Variants in CCDC17 observed in about 807,000 individuals in gnomAD.
CCDC17 encodes coiled-coil domain containing 17.
CCDC17 carries 79 observed loss-of-function variants against 68.0 expected under a neutral mutation model. That is an observed-to-expected ratio of 1.16 (90% confidence interval 0.97 to 1.40). The LOEUF is 1.40. CCDC17 is among the 40% of genes most tolerant of loss of function. The pLI is 0.00. For synonymous variants in CCDC17, 376 were observed against 337.5 expected, an observed-to-expected ratio of 1.11 and a Z score of -1.25; for missense variants, 846 against 811.5, an observed-to-expected ratio of 1.04 and a Z score of -0.52.
chr1:45,623,425 C>T lies in CCDC17; in HGVS notation c.285G>A (p.Arg95=). 6.4e-7 allele frequency: 1 copy of T among 1,550,548 alleles called. No homozygotes were observed. The highest frequency in any genetic ancestry group is 1.2e-5 in the South Asian group (1 of 84,066). ...AGGGCCGCATTTCCTGTAGGGATAG[C>T]CGCAGCCACTGCACCTGGAGGTAAC... is the stretch of plus-strand genomic sequence containing the variant. ...KRLTEEVQWL[R]LSLQEMRPWI... The change falls in exon 3 of 13, where the codon CGG becomes CGA. Residue 95 remains arginine, a synonymous_variant. Transcript: ENST00000528266.
rs1435124555 is a variant in CCDC17, at chr1:45,621,500, C to CTT, written c.1185-18_1185-17dup. ...CAGGCCAGCCCTGGGGAACACAAGT[C>CTT]TTAGCACAGAAATACCCAACTCCTT... On this transcript the variant is annotated splice_polypyrimidine_tract_variant and intron_variant, in intron 9 of 12. Transcript: ENST00000528266. 1.9e-5 allele frequency: 30 copies of CTT among 1,577,384 alleles called. No individual in the cohort carries two copies. Among genetic ancestry groups the CTT allele is most frequent in the Non-Finnish European group, 2.4e-5 (28 of 1,161,932 alleles).
rs1557680131 is a variant in CCDC17, at chr1:45,622,853, C to T, written c.657-19G>A. 6.3e-7 allele frequency: 1 copy of T among 1,583,846 alleles called. No homozygotes were observed. Among genetic ancestry groups the T allele is most frequent in the Admixed American group, 1.8e-5 (1 of 55,746 alleles). On this transcript the variant is annotated intron_variant, in intron 4 of 12. Transcript: ENST00000528266. Reference sequence around the variant, plus strand: ...CGGGTTCCTGGGGTGGCAGGCGACGCGCAGGGAGACGGTAACGCATCAGAG... The same window carrying T: ...CGGGTTCCTGGGGTGGCAGGCGACGTGCAGGGAGACGGTAACGCATCAGAG...
Position 45,623,057 on chromosome 1 carries a change from C to T in CCDC17, c.554G>A (p.Gly185Asp), listed in dbSNP as rs760875732. 1 of 1,610,298 alleles carries T rather than the reference C, an allele frequency of 6.2e-7. No homozygotes were observed. The highest frequency in any genetic ancestry group is 1.1e-5 in the South Asian group (1 of 90,328). Residue 185 changes from glycine (G) to aspartate (D), a missense_variant, in exon 4 of 13, where the codon GGC becomes GAC. Transcript: ENST00000528266. ...CTRGGMSRLF[G>D]LEQEIRELQA... The stretch of plus-strand genomic sequence containing the variant: ...TAGTTCTCGAATCTCCTGCTCCAGG[C>T]CGAAGAGGCGGGACATCCCGCCCCG...
rs1411414149 is a variant in CCDC17, at chr1:45,621,359, G to A, written c.1310C>T (p.Ala437Val). 1.3e-6 allele frequency: 2 copies of A among 1,590,542 alleles called. No homozygotes were observed. Among genetic ancestry groups the A allele is most frequent in the African/African-American group, 1.3e-5 (1 of 74,524 alleles). The part of the protein sequence containing the change: ...DTGRTTALPP[A>V]LCLPPPPAPG... ...AGCAGGAGGTGGGGGCAGGCAAAGG[G>A]CTGGGGGCAACGCTGTGGTCCTTCC... Residue 437 changes from alanine to valine, a missense_variant, in exon 10 of 13, where the codon GCC becomes GTC. By Grantham distance (64) the Ala-to-Val change is moderately conservative. Coordinates refer to ENST00000528266, the MANE Select transcript of CCDC17 (RefSeq NM_001114938.3).
chr1:45,623,562 C>T lies in CCDC17; in HGVS notation c.265G>A (p.Glu89Lys). The T allele has an allele frequency of 6.5e-7, 1 of 1,549,246 alleles. No homozygotes were observed. The highest frequency in any genetic ancestry group is 8.7e-7 in the Non-Finnish European group (1 of 1,146,826). The change falls in exon 2 of 13, where the codon GAG (glutamate) becomes AAG (lysine). Residue 89 changes from glutamate to lysine, a missense_variant. Coordinates refer to ENST00000528266, the MANE Select transcript of CCDC17 (RefSeq NM_001114938.3). ...ASRSALKRLT[E>K]EVQWLRLSLQ... Reference sequence around the variant, plus strand: ...GGGAAGGTAGGTAGCTCTACCTCCTCTGTTAACCTCTTTAGAGCAGATCTA... The same window carrying T: ...GGGAAGGTAGGTAGCTCTACCTCCTTTGTTAACCTCTTTAGAGCAGATCTA...
chr1:45,623,287 C>T lies in CCDC17; in HGVS notation c.423G>A (p.Leu141=). 6.5e-7 allele frequency: 1 copy of T among 1,548,540 alleles called. No homozygotes were observed. Among genetic ancestry groups the T allele is most frequent in the Non-Finnish European group, 8.7e-7 (1 of 1,146,786 alleles). ...VGSPSERLRA[L]FRTRARRVAE... ...CCACGCGCCTCGCGCGAGTCCTGAA[C>T]AGCGCCCGCAGCCGCTCGCTGGGGC... Residue 141 remains leucine, a synonymous_variant, in exon 3 of 13, where the codon CTG becomes CTA. Coordinates refer to ENST00000528266, the MANE Select transcript of CCDC17 (RefSeq NM_001114938.3).
Position 45,623,080 on chromosome 1 carries a change from C to G in CCDC17, c.531G>C (p.Arg177=). 2 of 1,598,710 alleles carry G rather than the reference C, an allele frequency of 1.3e-6. No individual in the cohort carries two copies. The highest frequency in any genetic ancestry group is 2.3e-5 in the South Asian group (2 of 88,606). The stretch of plus-strand genomic sequence containing the variant: ...GGCCGAAGAGGCGGGACATCCCGCC[C>G]CGCGTACAGGCCACAACTTGGAGGC... The part of the protein sequence containing the change: ...SRRLQVVACT[R]GGMSRLFGLE... Residue 177 remains arginine (R), a synonymous_variant, in exon 4 of 13, where the codon CGG becomes CGC. Coordinates refer to ENST00000528266, the MANE Select transcript of CCDC17 (RefSeq NM_001114938.3).
rs759019129 is a variant in CCDC17 at position 45,621,144 on chromosome 1, G to A, written c.1389-31C>T. 40 of 1,604,672 alleles carry A rather than the reference G, an allele frequency of 2.5e-5. 1 individual carries two copies. The South Asian group carries it at 4.3e-4, about 17-fold the overall frequency. On this transcript the variant is annotated intron_variant, in intron 10 of 12. Coordinates refer to ENST00000528266, the MANE Select transcript of CCDC17 (RefSeq NM_001114938.3). ...GAATAACCAAAAAGCAGTGTCGGAA[G>A]CCAGAGCTACAGTCCCTTTCTAGGA...
In CCDC17 at chr1:45,622,359, C is replaced by A; in HGVS notation, c.860-11G>T. The A allele has an allele frequency of 4.4e-6, 7 of 1,600,182 alleles. No individual in the cohort carries two copies. Among genetic ancestry groups the A allele is most frequent in the Non-Finnish European group, 5.1e-6 (6 of 1,174,952 alleles). On this transcript the variant is annotated splice_polypyrimidine_tract_variant and intron_variant, in intron 6 of 12. Coordinates refer to ENST00000528266, the MANE Select transcript of CCDC17 (RefSeq NM_001114938.3). ...TGGCACCTGCCCTTCCTGCGATGAA[C>A]AAGTGTGACCTGTCACCTTTGACCT... is the stretch of plus-strand genomic sequence containing the variant.
rs779914863 is a variant in CCDC17, at chr1:45,621,651, G to C, written c.1171C>G (p.Pro391Ala). Residue 391 changes from proline to alanine, a missense_variant, in exon 9 of 13, where the codon CCC (proline) becomes GCC (alanine). Transcript: ENST00000528266. Reference sequence around the variant, plus strand: ...CACGGGCCTCACCCAGGATCATAGGGTGCAGGGCCCAGCATGTCCGATGTG... The same window carrying C: ...CACGGGCCTCACCCAGGATCATAGGCTGCAGGGCCCAGCATGTCCGATGTG... ...LPTSDMLGPA[P>A]YDPGAGLVIF... 1.8e-5 allele frequency: 29 copies of C among 1,613,838 alleles called. No individual in the cohort carries two copies. In the South Asian group the frequency reaches 3.1e-4, roughly 17 times the overall value.
chr1:45,621,422 T>C lies in CCDC17; in HGVS notation c.1247A>G (p.Gln416Arg), dbSNP rs1408584881. ...RGLEASWIWV[Q>R]LRTGLARDGR... ...ATCGCGTGCCAAGCCAGTCCTTAGT[T>C]GCACCCAAATCCAGGAAGCCTCAAG... is the stretch of plus-strand genomic sequence containing the variant. Residue 416 changes from glutamine to arginine, a missense_variant, in exon 10 of 13, where the codon CAA becomes CGA. Coordinates refer to ENST00000528266, the MANE Select transcript of CCDC17 (RefSeq NM_001114938.3). 2 of 1,598,264 alleles carry C rather than the reference T, an allele frequency of 1.3e-6. No individual in the cohort carries two copies. The highest frequency in any genetic ancestry group is 1.7e-6 in the Non-Finnish European group (2 of 1,172,906).
At position 45,623,200 on chromosome 1, in the gene CCDC17, T is replaced by TC. The variant is rs1179539175; in HGVS notation, c.493+16dup. 1.9e-5 allele frequency: 30 copies of TC among 1,541,228 alleles called. No homozygotes were observed. The highest frequency in any genetic ancestry group is 2.5e-5 in the Non-Finnish European group (28 of 1,142,768). On this transcript the variant is annotated intron_variant, in intron 3 of 12. Transcript: ENST00000528266. ...GGGCAGAGGAGGTCCTTGGTCCCCG[T>TC]CCCCCATCTCCTTCACCCTCGCCGC...
At position 45,622,979 on chromosome 1, in the gene CCDC17, A is replaced by G. The variant is rs1460482143; in HGVS notation, c.632T>C (p.Ile211Thr). The G allele has an allele frequency of 6.2e-7, 1 of 1,603,984 alleles. No homozygotes were observed. The highest frequency in any genetic ancestry group is 1.1e-5 in the South Asian group (1 of 90,026). The part of the protein sequence containing the change: ...RGALEVLGAR[I>T]QELQAEPGNP... Reference sequence around the variant, plus strand: ...CCCTGGCTCCGCCTGCAGCTCCTGAATGCGGGCCCCCAACACCTCTAGAGC... The same window carrying G: ...CCCTGGCTCCGCCTGCAGCTCCTGAGTGCGGGCCCCCAACACCTCTAGAGC... The change falls in exon 4 of 13, where the codon ATT (isoleucine) becomes ACT (threonine). Residue 211 changes from isoleucine to threonine, a missense_variant. Ile to Thr is a moderately conservative substitution (Grantham distance 89, BLOSUM62 -1). Transcript: ENST00000528266.
Position 45,621,394 on chromosome 1 carries a change from T to TC in CCDC17, c.1274dup (p.Arg426ThrfsTer50). The TC allele has an allele frequency of 6.3e-7, 1 of 1,595,518 alleles. No individual in the cohort carries two copies. Among genetic ancestry groups the TC allele is most frequent in the Non-Finnish European group, 8.5e-7 (1 of 1,171,716 alleles). On this transcript the variant is annotated frameshift_variant, in exon 10 of 13. Transcript: ENST00000528266. LOFTEE classifies it high-confidence loss of function. ...ACGCTGTGGTCCTTCCTGTATCCCG[T>TC]CCATCGCGTGCCAAGCCAGTCCTTA...
intron 12 of CCDC17, 94 bp downstream of exon 12, chr1:45,620,629 T>G: frequency 1.3e-6 from 2 of 1,534,572 alleles, no homozygotes; most frequent in Non-Finnish European, 1.8e-6. Context: ...TGGTAATGAC[T>G]GGCACACAGT....
At position 45,622,569 on chromosome 1, in the gene CCDC17, T is replaced by G; in HGVS notation, c.839A>C (p.Gln280Pro). 6.4e-7 allele frequency: 1 copy of G among 1,552,536 alleles called. No individual in the cohort carries two copies. The highest frequency in any genetic ancestry group is 2.4e-5 in the East Asian group (1 of 40,964). The change falls in exon 6 of 13, where the codon CAG becomes CCG. Residue 280 changes from glutamine to proline, a missense_variant. Gln to Pro is a moderately conservative substitution (Grantham distance 76). Coordinates refer to ENST00000528266, the MANE Select transcript of CCDC17 (RefSeq NM_001114938.3). ...TTCACCTCTGCGGGTCTGCGACCGC[T>G]GCAGCTCCAGTGCAGACGCCTCCAC... ...LQVEASALEL[Q>P]RSQTRRGRAG...
intron 6 of CCDC17, 90 bp downstream of exon 6, chr1:45,622,459 C>T (rs1392433239): frequency 3.4e-6 from 5 of 1,472,288 alleles, no homozygotes; most frequent in Non-Finnish European, 4.6e-6. Context: ...GACTTGTCAG[C>T]TCACATGCCA....
chr1:45,621,281 C>T lies in CCDC17; in HGVS notation c.1388G>A (p.Arg463Lys). The T allele has an allele frequency of 1.3e-6, 2 of 1,572,576 alleles. No homozygotes were observed. The highest frequency in any genetic ancestry group is 1.7e-6 in the Non-Finnish European group (2 of 1,158,288). Reference sequence around the variant, plus strand: ...AGAGTCATGATCCCCACCTACTGACCTGGGCACAGGCTGCCTGCTGGCAAG... The same window carrying T: ...AGAGTCATGATCCCCACCTACTGACTTGGGCACAGGCTGCCTGCTGGCAAG... Reference protein sequence around the residue: ...AILASRQPVPRLPPSSSVSLV... With the variant: ...AILASRQPVPKLPPSSSVSLV... Residue 463 changes from arginine to lysine, a missense_variant and splice_region_variant, in exon 10 of 13, where the codon AGA (arginine) becomes AAA (lysine). Transcript: ENST00000528266.
In CCDC17 at chr1:45,623,561, T is replaced by C. The variant is rs1431330162; in HGVS notation, c.266A>G (p.Glu89Gly). The change falls in exon 2 of 13, where the codon GAG becomes GGG. Residue 89 changes from glutamate to glycine, a missense_variant. Glu to Gly is a moderately conservative substitution (Grantham distance 98). Coordinates refer to ENST00000528266, the MANE Select transcript of CCDC17 (RefSeq NM_001114938.3). ...ASRSALKRLT[E>G]EVQWLRLSLQ... ...GGGGAAGGTAGGTAGCTCTACCTCC[T>C]CTGTTAACCTCTTTAGAGCAGATCT... 1 of 1,549,238 alleles carries C rather than the reference T, an allele frequency of 6.5e-7. No individual in the cohort carries two copies. Among genetic ancestry groups the C allele is most frequent in the South Asian group, 1.2e-5 (1 of 84,062 alleles).
Sources: allele counts gnomAD v4.1 joint callset, GRCh38; gene constraint gnomAD v4.1.1; transcripts MANE v1.5; gene names NCBI Gene and HGNC (gene_info 2026-07-23, HGNC 2026-07-21).